The following EPS8L1 variants were observed in gnomAD, a reference collection of about 807,000 sequenced individuals.
EPS8L1 encodes the protein epidermal growth factor receptor kinase substrate 8-like protein 1.
A neutral mutation model predicts 91.7 loss-of-function variants in EPS8L1; 101 were observed. That is an observed-to-expected ratio of 1.10 (90% CI 0.94 to 1.30). EPS8L1 has a LOEUF of 1.30. Ranked by LOEUF, EPS8L1 falls within the 50% of genes most tolerant of loss-of-function variation. The probability of loss-of-function intolerance (pLI) is 0.00; values close to 1 mark genes in which losing one functional copy is unlikely to be tolerated. For missense variants in EPS8L1, 1,114 were observed against 1,017.0 expected, an observed-to-expected ratio of 1.10 and a Z score of -1.30; for synonymous variants, 506 against 445.3, an observed-to-expected ratio of 1.14 and a Z score of -1.72.
rs566424862 is a variant in EPS8L1, at chr19:55,086,526, G to A, written c.1777+8G>A. ...TGGACCCCAGCGAGAAGGGTGAGTGGTGGGGACGCCGGCTGCGGGGAGCGG... is the reference window on the plus strand; with the variant it reads ...TGGACCCCAGCGAGAAGGGTGAGTGATGGGGACGCCGGCTGCGGGGAGCGG... On this transcript the variant is annotated splice_region_variant and intron_variant, in intron 17 of 19. Transcript: ENST00000201647. 251 of 1,550,676 alleles carry A rather than the reference G, an allele frequency of 1.6e-4. 1 individual carries two copies. Among genetic ancestry groups the A allele is most frequent in the Middle Eastern group, 1.5e-3 (9 of 5,952 alleles).
At position 55,086,895 on chromosome 19, in the gene EPS8L1, G is replaced by A; in HGVS notation, c.1952+7G>A. On this transcript the variant is annotated splice_region_variant and intron_variant, in intron 18 of 19. Transcript: ENST00000201647. ...CCAAGGGCTTTAGCTCCGGGTGAGT[G>A]GGGCCGGGGCCCTCTCGGCGCGGGT... is the stretch of plus-strand genomic sequence containing the variant. 1 of 1,420,238 alleles carries A rather than the reference G, an allele frequency of 7.0e-7. No homozygotes were observed. Among genetic ancestry groups the A allele is most frequent in the East Asian group, 2.8e-5 (1 of 35,722 alleles). 88.0% of individuals were successfully genotyped at this position (1,420,238 alleles called of 1,614,324 possible). A position where few individuals can be genotyped will look rare whatever the true frequency, so the allele number is the denominator to read the frequency against.
In EPS8L1 at chr19:55,083,728, T is replaced by C; in HGVS notation, c.1385+84T>C. ...CCCGATGCTGACTCCGCCCCCTTTT[T>C]TTCTGTGTTTTTCCTTCTGTCTTCC... On this transcript the variant is annotated intron_variant, in intron 14 of 19. Coordinates refer to ENST00000201647, the MANE Select transcript of EPS8L1 (RefSeq NM_133180.3). The surrounding 1 kb of genome is among the most constrained non-coding windows in gnomAD (Gnocchi z 4.7). 2 of 1,534,774 alleles carry C rather than the reference T, an allele frequency of 1.3e-6. No homozygotes were observed.
Position 55,081,040 on chromosome 19 carries a change from C to A in EPS8L1, c.512+186C>A. 2 of 921,418 alleles carry A rather than the reference C, an allele frequency of 2.2e-6. No homozygotes were observed. The highest frequency in any genetic ancestry group is 1.6e-6 in the Non-Finnish European group (1 of 629,604). 57.1% of individuals were successfully genotyped at this position (921,418 alleles called of 1,614,324 possible). A position where few individuals can be genotyped will look rare whatever the true frequency, so the allele number is the denominator to read the frequency against. The stretch of plus-strand genomic sequence containing the variant: ...CAGAACTCTGCTTCTTTTCTCTGTT[C>A]CCTGTCCAGGCCCTCAGTTTCACTC... On this transcript the variant is annotated intron_variant, in intron 7 of 19. Transcript: ENST00000201647. This position sits in a 1 kb window ranked among gnomAD's most constrained non-coding sequence, Gnocchi z 4.9.
chr19:55,087,434 A>G lies in EPS8L1; in HGVS notation c.2084A>G (p.Glu695Gly). 1 of 1,614,016 alleles carries G rather than the reference A, an allele frequency of 6.2e-7. No individual in the cohort carries two copies. Among genetic ancestry groups the G allele is most frequent in the Non-Finnish European group, 8.5e-7 (1 of 1,179,990 alleles). ...SQVTVQRSLL[E>G]DKEKVSELEA... ...GTCACCGTGCAGCGCTCGCTGCTGG[A>G]GGTGAGCCGGACCGCTGGTCCCTGG... Residue 695 changes from glutamate (E) to glycine (G), a missense_variant and splice_region_variant, in exon 19 of 20, where the codon GAG becomes GGG. Transcript: ENST00000201647.
chr19:55,080,267 C>A lies in EPS8L1; in HGVS notation c.418C>A (p.Leu140Met). 1.3e-6 allele frequency: 2 copies of A among 1,533,998 alleles called. No homozygotes were observed. The highest frequency in any genetic ancestry group is 1.8e-6 in the Non-Finnish European group (2 of 1,135,858). ...AQPDVHFFQG[L>M]RLGAELIRED... ...GCCCGACGTGCACTTCTTCCAGGGCCTGCGCCTCGGGGTGAGCAGATGGGC... is the reference window on the plus strand; with the variant it reads ...GCCCGACGTGCACTTCTTCCAGGGCATGCGCCTCGGGGTGAGCAGATGGGC... Residue 140 changes from leucine to methionine, a missense_variant, in exon 6 of 20, where the codon CTG (leucine) becomes ATG (methionine). Physicochemically the swap from Leu to Met is conservative, Grantham distance 15 (BLOSUM62 2). Transcript: ENST00000201647.
In EPS8L1 at chr19:55,080,015, C is replaced by A. The variant is rs1412797464; in HGVS notation, c.280-114C>A. The stretch of plus-strand genomic sequence containing the variant: ...CTCATCTATTAAACAGGGCTGTTAT[C>A]CCTAACCCCCTAACCGCCTGAGGTT... On this transcript the variant is annotated intron_variant, in intron 5 of 19. Coordinates refer to ENST00000201647, the MANE Select transcript of EPS8L1 (RefSeq NM_133180.3). 13 of 1,436,324 alleles carry A rather than the reference C, an allele frequency of 9.1e-6. No individual in the cohort carries two copies. In the Admixed American group the frequency reaches 2.4e-4, roughly 27 times the overall value. 89.0% of individuals were successfully genotyped at this position (1,436,324 alleles called of 1,614,324 possible).
Position 55,080,195 on chromosome 19 carries a change from A to G in EPS8L1, c.346A>G (p.Ser116Gly). 6.5e-7 allele frequency: 1 copy of G among 1,536,924 alleles called. No homozygotes were observed. The highest frequency in any genetic ancestry group is 1.4e-5 in the African/African-American group (1 of 72,934). The change falls in exon 6 of 20, where the codon AGC becomes GGC. Residue 116 changes from serine to glycine, a missense_variant. Ser to Gly is a moderately conservative substitution (Grantham distance 56). Coordinates refer to ENST00000201647, the MANE Select transcript of EPS8L1 (RefSeq NM_133180.3). ...TGACGCGGTGATGCCACCCGGCAGG[A>G]GCCGCTCGTTGCTGCTGCTCGTGTG... ...RCDAVMPPGR[S>G]RSLLLLVCQE...
At position 55,085,857 on chromosome 19, in the gene EPS8L1, C is replaced by A. The variant is rs1374515024; in HGVS notation, c.1402C>A (p.Pro468Thr). Reference protein sequence around the residue: ...VAVNGHRDLEPESEPQLESET... With the variant: ...VAVNGHRDLETESEPQLESET... ...TCTCCTCAGTCACCGAGACTTGGAG[C>A]CAGAATCTGAGCCTCAGCTGGAGTC... Residue 468 changes from proline to threonine, a missense_variant, in exon 15 of 20, where the codon CCA becomes ACA. Pro to Thr is a conservative substitution (Grantham distance 38). Coordinates refer to ENST00000201647, the MANE Select transcript of EPS8L1 (RefSeq NM_133180.3). The A allele has an allele frequency of 6.2e-7, 1 of 1,613,126 alleles. No homozygotes were observed. The highest frequency in any genetic ancestry group is 1.7e-5 in the Admixed American group (1 of 59,990).
At chr19:55,084,717 GAT>G (rs1389004269) in intron 14 of EPS8L1, 1 of 152,242 alleles carries the variant, frequency 6.6e-6, no homozygotes, top group Non-Finnish European at 1.5e-5. Flanking sequence ...CCAGCTGCCT[GAT>G]ATCGCAACCC....
At chr19:55,082,910 T>C (rs1478271015) in intron 12 of EPS8L1, among the ~76,000 whole-genome samples, 6 of 151,892 alleles carry the variant, frequency 4.0e-5, no homozygotes. Context: ...GGGCGGGGCT[T>C]CTGGAAGGTT....
chr19:55,087,371 C>T lies in EPS8L1; in HGVS notation c.2021C>T (p.Ala674Val), dbSNP rs995815801. 2 of 1,613,168 alleles carry T rather than the reference C, an allele frequency of 1.2e-6. No individual in the cohort carries two copies. The highest frequency in any genetic ancestry group is 3.3e-5 in the Admixed American group (2 of 59,964). The change falls in exon 19 of 20, where the codon GCG becomes GTG. Residue 674 changes from alanine to valine, a missense_variant. By Grantham distance (64) the Ala-to-Val change is moderately conservative. Coordinates refer to ENST00000201647, the MANE Select transcript of EPS8L1 (RefSeq NM_133180.3). Reference sequence around the variant, plus strand: ...TCGCTGCAGAAGGAGGAGCTGCGGGCGGTGAGCCCCGAGGAGGGGGCACGT... The same window carrying T: ...TCGCTGCAGAAGGAGGAGCTGCGGGTGGTGAGCCCCGAGGAGGGGGCACGT... ...LFSLQKEELR[A>V]VSPEEGARVY...
rs1271745677 is a variant in EPS8L1, at chr19:55,087,596, G to A, written c.2154G>A (p.Val718=). The change falls in exon 20 of 20, where the codon GTG becomes GTA. Residue 718 remains valine, a synonymous_variant. Coordinates refer to ENST00000201647, the MANE Select transcript of EPS8L1 (RefSeq NM_133180.3). ...AAAAGAAGAAGGTGGAAGGCGAGGTGGAAATGGAGGTCATTTGACCTGCCA... is the reference window on the plus strand; with the variant it reads ...AAAAGAAGAAGGTGGAAGGCGAGGTAGAAATGGAGGTCATTTGACCTGCCA... ...EKQKKKVEGE[V]EMEVI 2 of 1,614,076 alleles carry A rather than the reference G, an allele frequency of 1.2e-6. No homozygotes were observed. The highest frequency in any genetic ancestry group is 8.5e-7 in the Non-Finnish European group (1 of 1,180,034).
Position 55,086,733 on chromosome 19 carries a change from C to T in EPS8L1, c.1797C>T (p.Leu599=), listed in dbSNP as rs753025353. Residue 599 remains leucine, a synonymous_variant, in exon 18 of 20, where the codon CTC becomes CTT. Transcript: ENST00000201647. ...CTGCAGAGAAATTCTCCCAGATGCTCATCGTCAACGAGGAACTGCAGGCGC... is the reference window on the plus strand; with the variant it reads ...CTGCAGAGAAATTCTCCCAGATGCTTATCGTCAACGAGGAACTGCAGGCGC... ...PSEKEKFSQM[L]IVNEELQARL... The T allele has an allele frequency of 1.9e-6, 3 of 1,609,776 alleles. No homozygotes were observed. In the East Asian group the frequency reaches 6.7e-5, roughly 36 times the overall value.
chr19:55,083,509 G>GGC lies in EPS8L1; in HGVS notation c.1349_1350dup (p.Arg451AlafsTer83). On this transcript the variant is annotated frameshift_variant, in exon 13 of 20. Transcript: ENST00000201647. LOFTEE classifies it high-confidence loss of function. The surrounding 1 kb of genome is among the most constrained non-coding windows in gnomAD (Gnocchi z 4.7). ...GAGAAACAGCTACAGCACGAGCGGA[G>GGC]GCGCCGGCAGGTGACCCAAGCGACA... 6.2e-7 allele frequency: 1 copy of GGC among 1,610,290 alleles called. No homozygotes were observed. The highest frequency in any genetic ancestry group is 8.5e-7 in the Non-Finnish European group (1 of 1,178,692).
chr19:55,082,435 C>T lies in EPS8L1; in HGVS notation c.1066-19C>T. ...AGAAGGTGTGGCGGCACAGCCTGCCCCTCCTGCTCCCCTGACAGATTGTGA... is the reference window on the plus strand; with the variant it reads ...AGAAGGTGTGGCGGCACAGCCTGCCTCTCCTGCTCCCCTGACAGATTGTGA... On this transcript the variant is annotated intron_variant, in intron 11 of 19. Transcript: ENST00000201647. 1.2e-6 allele frequency: 2 copies of T among 1,611,264 alleles called. No homozygotes were observed. The highest frequency in any genetic ancestry group is 1.7e-6 in the Non-Finnish European group (2 of 1,178,678).
chr19:55,083,629 A>G lies in EPS8L1; in HGVS notation c.1370A>G (p.Gln457Arg), dbSNP rs780739177. 6.3e-7 allele frequency: 1 copy of G among 1,594,972 alleles called. No individual in the cohort carries two copies. The highest frequency in any genetic ancestry group is 1.3e-5 in the African/African-American group (1 of 74,820). Residue 457 changes from glutamine (Q) to arginine (R), a missense_variant, in exon 14 of 20, where the codon CAG becomes CGG. Transcript: ENST00000201647. The surrounding 1 kb of genome is among the most constrained non-coding windows in gnomAD (Gnocchi z 4.7). Reference protein sequence around the residue: ...ERRRRQQSAPQVAVNGHRDLE... With the variant: ...ERRRRQQSAPRVAVNGHRDLE... ...TACTTCCTACAGCAAAGCGCCCCCC[A>G]GGTCGCTGTCAATGGGTGAGTGTCC...
At chr19:55,087,073 T>A in intron 18 of EPS8L1, 185 bp downstream of exon 18, 1 of 1,044,880 alleles carries the variant, frequency 9.6e-7, no homozygotes, top group Non-Finnish European at 1.3e-6. Context: ...TTTTTCAGAC[T>A]CCGACTGGAT....
intron 14 of EPS8L1, 139 bp from the exon 15 acceptor site, chr19:55,085,702 C>G (rs2076345479): frequency 1.0e-6 from 1 of 996,546 alleles, no homozygotes; most frequent in Non-Finnish European, 1.5e-6. Flanking sequence ...ATTCTTGTTT[C>G]AAATTTCTAT....
At chr19:55,086,930 C>G in intron 18 of EPS8L1, 42 bp downstream of exon 18, 2 of 1,403,664 alleles carry the variant, frequency 1.4e-6, no homozygotes, top group Non-Finnish European at 1.8e-6. Flanking sequence ...TTGATACGGA[C>G]GCTGGGAGCG....
Sources: allele counts gnomAD v4.1 joint callset (sites outside exome capture counted in the v4.1 genomes callset), GRCh38; gene constraint gnomAD v4.1.1; non-coding constraint Gnocchi (gnomAD v3.1); transcripts MANE v1.5; gene names NCBI Gene and HGNC (gene_info 2026-07-23, HGNC 2026-07-21).